PARP4: variants seen among roughly 807,000 people sequenced by gnomAD.
PARP4 encodes the protein protein mono-ADP-ribosyltransferase PARP4.
In PARP4, 120 loss-of-function variants were observed where a neutral mutation model predicts 187.7. The observed-to-expected ratio is 0.64, with a 90% CI of 0.55 to 0.74. The LOEUF is 0.74. Ranked by LOEUF, PARP4 falls within the 30% of genes least tolerant of loss-of-function variation. The probability of loss-of-function intolerance (pLI) is 0.00; values close to 1 mark genes in which losing one functional copy is unlikely to be tolerated. For synonymous variants in PARP4, 654 were observed against 740.9 expected, an observed-to-expected ratio of 0.88 and a Z score of 1.90; for missense variants, 1,836 against 2,070.5, an observed-to-expected ratio of 0.89 and a Z score of 2.20.
chr13:24,472,863 A>G (rs3961654), intron 15 of PARP4, among the ~76,000 whole-genome samples: 75,408 of 141,410 alleles, frequency 0.53, 19,548 homozygotes, highest in South Asian at 0.67. Flanking sequence ...ATAAGGTGGG[A>G]TTTTCTCCTT....
At chr13:24,454,572 G>C (rs1336488345) in intron 22 of PARP4, among the ~76,000 whole-genome samples, 2 of 152,188 alleles carry the variant, frequency 1.3e-5, no homozygotes, top group African/African-American at 4.8e-5. Flanking sequence ...TGACTGCGCT[G>C]AGGGCAAATG....
chr13:24,469,622 T>G (rs1872644413), intron 16 of PARP4, among the ~76,000 whole-genome samples: 3 of 152,212 alleles, frequency 2.0e-5, no homozygotes. Context: ...CTTTAACTTT[T>G]CATACTGAAA....
intron 33 of PARP4, among the ~76,000 whole-genome samples, chr13:24,421,814 A>AT (rs1869762237): frequency 1.3e-5 from 2 of 152,304 alleles, no homozygotes; most frequent in Non-Finnish European, 2.9e-5. Context: ...TAGAATAAGC[A>AT]TATCGAGTCA....
chr13:24,477,115 C>T (rs922594980), intron 14 of PARP4, among the ~76,000 whole-genome samples: 1 of 152,192 alleles, frequency 6.6e-6, no homozygotes, highest in African/African-American at 2.4e-5. Context: ...AGCGAATAAG[C>T]TCAACTTCAG....
intron 6 of PARP4, among the ~76,000 whole-genome samples, chr13:24,496,739 T>C (rs191997514): frequency 6.6e-6 from 1 of 152,292 alleles, no homozygotes. Flanking sequence ...AAGACAGAGC[T>C]GTAGGCAGGA....
chr13:24,465,545 T>C (rs116985356), intron 17 of PARP4, among the ~76,000 whole-genome samples: 12,893 of 152,206 alleles, frequency 0.085, 683 homozygotes, highest in Non-Finnish European at 0.12. Context: ...CAGGATGTTC[T>C]TACTTACACG....
intron 2 of PARP4, 37 bp downstream of exon 2, chr13:24,503,607 TG>T: frequency 1.2e-6 from 2 of 1,609,096 alleles, no homozygotes; most frequent in Non-Finnish European, 1.7e-6. Flanking sequence ...GAATGCGCAA[TG>T]TTTTATCACA....
intron 27 of PARP4, among the ~76,000 whole-genome samples, chr13:24,445,648 C>T (rs1871173103): frequency 6.6e-6 from 1 of 152,158 alleles, no homozygotes. Context: ...GCTGTTCATT[C>T]GTATCCTTTA....
At chr13:24,493,408 G>C (rs41504047) in intron 8 of PARP4, among the ~76,000 whole-genome samples, 188 bp downstream of exon 8, 3,816 of 152,298 alleles carry the variant, frequency 0.025, 87 homozygotes, top group African/African-American at 0.068. Flanking sequence ...GGGATGTCTA[G>C]TTTTCTCAGA....
Position 24,435,077 on chromosome 13 carries a change from G to C in PARP4, c.4064C>G (p.Pro1355Arg). The change falls in exon 31 of 34, where the codon CCT becomes CGT. Residue 1355 changes from proline (P) to arginine (R), a missense_variant. This residue lies in a region of PARP4 where 450 missense variants were observed against 439.2 expected (regional missense o/e 1.02). Coordinates refer to ENST00000381989, the MANE Select transcript of PARP4 (RefSeq NM_006437.4). ...RQVASFGSAA[P>R]PRQFDASQFS... is the part of the protein sequence containing the mutation. The stretch of plus-strand genomic sequence containing the variant: ...TTGAGATGCATCAAACTGTCTGGGA[G>C]GAGCAGCTGAACCGAAACTAGCTAC... 1.2e-6 allele frequency: 2 copies of C among 1,614,190 alleles called. No homozygotes were observed. The highest frequency in any genetic ancestry group is 1.7e-6 in the Non-Finnish European group (2 of 1,180,044).
chr13:24,463,910 C>A (rs1872327778), intron 17 of PARP4, among the ~76,000 whole-genome samples: 2 of 152,124 alleles, frequency 1.3e-5, no homozygotes, highest in Admixed American at 1.3e-4. Context: ...ATCATCTCAG[C>A]CCAAAAGCCT....
At chr13:24,452,367 C>A (rs369203570) in intron 24 of PARP4, 39 bp downstream of exon 24, 10 of 1,535,710 alleles carry the variant, frequency 6.5e-6, no homozygotes, top group Non-Finnish European at 8.8e-6. Flanking sequence ...ACGACCTCCC[C>A]GTGGGTCTGG....
At chr13:24,422,437 G>A (rs1869791990) in intron 33 of PARP4, among the ~76,000 whole-genome samples, 1 of 152,048 alleles carries the variant, frequency 6.6e-6, no homozygotes, top group African/African-American at 2.4e-5. Flanking sequence ...CAACAAAACT[G>A]GCTTTGAATA....
rs549592250 is a variant in PARP4, at chr13:24,420,981, T to G, written c.*138A>C. 141 of 1,121,976 alleles carry G rather than the reference T, an allele frequency of 1.3e-4. No individual in the cohort carries two copies. The highest frequency in any genetic ancestry group is 4.8e-5 in the Non-Finnish European group (41 of 845,582). 69.5% of individuals were successfully genotyped at this position (1,121,976 alleles called of 1,614,324 possible). On this transcript the variant is annotated 3_prime_UTR_variant, in exon 34 of 34. Transcript: ENST00000381989. ...CTTGTTAGTTGATTAAAGTAATTCT[T>G]CTTCCACTTAATTTTTAAAGACAGT...
intron 1 of PARP4, among the ~76,000 whole-genome samples, chr13:24,504,824 G>A (rs1438801172): frequency 6.6e-6 from 1 of 150,822 alleles, no homozygotes; most frequent in Non-Finnish European, 1.5e-5. Context: ...CTCCCAAGTA[G>A]CTGAGATTAC....
intron 12 of PARP4, among the ~76,000 whole-genome samples, 157 bp downstream of exon 12, chr13:24,484,496 A>C (rs1379722932): frequency 6.6e-6 from 1 of 152,140 alleles, no homozygotes; most frequent in African/African-American, 2.4e-5. Context: ...AAACATTATC[A>C]AGGATGCTGA....
At chr13:24,462,251 G>A (rs1213535071) in intron 17 of PARP4, among the ~76,000 whole-genome samples, 1 of 152,204 alleles carries the variant, frequency 6.6e-6, no homozygotes, top group Non-Finnish European at 1.5e-5. Context: ...TCTGCTGAAA[G>A]CTGGGGGCAG....
intron 18 of PARP4, 121 bp from the exon 19 acceptor site, chr13:24,459,431 G>T: frequency 2.2e-6 from 2 of 899,104 alleles, no homozygotes; most frequent in Non-Finnish European, 1.6e-6. Flanking sequence ...TCACTTTCAA[G>T]CAGTGAAACA....
At chr13:24,501,182 GT>G (rs1869259343) in intron 3 of PARP4, among the ~76,000 whole-genome samples, 3 of 152,110 alleles carry the variant, frequency 2.0e-5, no homozygotes, top group Non-Finnish European at 4.4e-5. Flanking sequence ...CATTTTTCAT[GT>G]CCAAAGGCTT....
Sources: gnomAD v4.1 joint callset for allele counts (sites outside exome capture counted in the v4.1 genomes callset) on GRCh38, gnomAD v4.1.1 for gene constraint, gnomAD v4.1.1 regional missense constraint, MANE v1.5 for transcripts, NCBI Gene and HGNC (gene_info 2026-07-23, HGNC 2026-07-21) for gene names.